Variants in FNDC3B observed in about 807,000 individuals in gnomAD.
FNDC3B encodes fibronectin type III domain-containing protein 3B.
A neutral mutation model predicts 151.5 loss-of-function variants in FNDC3B; 12 were observed. The ratio of observed to expected loss-of-function variants is 0.08; its 90% CI spans 0.05 to 0.13. The LOEUF is 0.13. FNDC3B is among the 10% of genes least tolerant of loss of function. The probability of loss-of-function intolerance (pLI) is 1.00; values close to 1 mark genes in which losing one functional copy is unlikely to be tolerated. For missense variants in FNDC3B, 1,214 were observed against 1,505.3 expected (o/e 0.81, Z 3.20); for synonymous variants, 528 against 549.0 (o/e 0.96, Z 0.54).
intron 2 of FNDC3B, among the ~76,000 whole-genome samples, chr3:172,127,328 A>T (rs1462100018): frequency 6.6e-6 from 1 of 152,208 alleles, no homozygotes; most frequent in Non-Finnish European, 1.5e-5. Flanking sequence ...TCTGTATTGA[A>T]TTGACATGGT....
chr3:172,344,159 C>T lies in FNDC3B; in HGVS notation c.2151C>T (p.Ala717=). The change falls in exon 19 of 26, where the codon GCC becomes GCT. Residue 717 remains alanine (A), a synonymous_variant. Transcript: ENST00000415807. ...AGATGACGGAGCCCGAAGACGTAGC[C>T]TCGGAAGTGTACCATGGCCCAGAGC... The part of the protein sequence containing the change: ...SVEMTEPEDV[A]SEVYHGPELE... The T allele has an allele frequency of 1.2e-6, 2 of 1,614,168 alleles. No individual in the cohort carries two copies. The highest frequency in any genetic ancestry group is 1.3e-5 in the African/African-American group (1 of 75,044).
chr3:172,095,244 A>G (rs758228132), intron 1 of FNDC3B, among the ~76,000 whole-genome samples: 1 of 152,202 alleles, frequency 6.6e-6, no homozygotes, highest in African/African-American at 2.4e-5. Flanking sequence ...CCAAGTTTTG[A>G]TATTTTGAAG....
intron 1 of FNDC3B, among the ~76,000 whole-genome samples, chr3:172,108,397 T>A (rs1244278018): frequency 6.6e-6 from 1 of 152,246 alleles, no homozygotes; most frequent in African/African-American, 2.4e-5. Flanking sequence ...CTTTAGTTCT[T>A]AAAGTTAACT....
chr3:172,175,968 T>C (rs1723573129), intron 3 of FNDC3B, among the ~76,000 whole-genome samples: 1 of 152,240 alleles, frequency 6.6e-6, no homozygotes, highest in African/African-American at 2.4e-5. Context: ...ATTATATGTC[T>C]ACACAGAATA....
intron 9 of FNDC3B, among the ~76,000 whole-genome samples, chr3:172,299,155 G>A (rs1730778248): frequency 6.6e-6 from 1 of 152,140 alleles, no homozygotes; most frequent in South Asian, 2.1e-4. Context: ...TGTTTATTCA[G>A]ACCAAATGAC....
chr3:172,393,585 T>A (rs1736128221), intron 25 of FNDC3B, among the ~76,000 whole-genome samples: 1 of 152,184 alleles, frequency 6.6e-6, no homozygotes, highest in Non-Finnish European at 1.5e-5. Context: ...ATAGATCAAA[T>A]GTTAAGGCAC....
intron 3 of FNDC3B, among the ~76,000 whole-genome samples, chr3:172,185,013 T>G (rs1209559799): frequency 1.3e-5 from 2 of 152,164 alleles, no homozygotes; most frequent in Non-Finnish European, 2.9e-5. Flanking sequence ...GTCACCGTCT[T>G]AAGTGCTGAA....
intron 3 of FNDC3B, among the ~76,000 whole-genome samples, chr3:172,205,171 A>G (rs1287384072): frequency 6.6e-6 from 1 of 152,032 alleles, no homozygotes; most frequent in African/African-American, 2.4e-5. Flanking sequence ...CAGAATTACC[A>G]TCCCCCGCCC....
In FNDC3B at chr3:172,242,759, C is replaced by T. The variant is rs149170279; in HGVS notation, c.265-4774C>T. On this transcript the variant is annotated intron_variant, in intron 4 of 25. Transcript: ENST00000415807. ...TGGAGACATTTTCCCCATTGTCTTGCGGATTAACATTCAGCTCTTTGTTAC... is the reference window on the plus strand; with the variant it reads ...TGGAGACATTTTCCCCATTGTCTTGTGGATTAACATTCAGCTCTTTGTTAC... Among the ~76,000 whole-genome samples, 60 of 152,314 alleles carry T rather than the reference C, an allele frequency of 3.9e-4. 1 individual carries two copies. The highest frequency in any genetic ancestry group is 1.9e-3 in the Admixed American group (29 of 15,300).
chr3:172,191,025 T>C (rs1323088761), intron 3 of FNDC3B, among the ~76,000 whole-genome samples: 1 of 152,234 alleles, frequency 6.6e-6, no homozygotes, highest in Non-Finnish European at 1.5e-5. Context: ...AAATTATCTT[T>C]ATATTTTAAT....
At chr3:172,130,524 CA>C (rs1286209473) in intron 2 of FNDC3B, among the ~76,000 whole-genome samples, 1 of 151,860 alleles carries the variant, frequency 6.6e-6, no homozygotes, top group African/African-American at 2.4e-5. Flanking sequence ...ACTCAGTAAG[CA>C]GGGGGGGAAG....
At chr3:172,231,879 G>GTTT (rs33956893) in intron 4 of FNDC3B, among the ~76,000 whole-genome samples, 2,708 of 104,470 alleles carry the variant, frequency 0.026, 187 homozygotes, top group African/African-American at 0.029. Context: ...TTTATTTACC[G>GTTT]TTTTTTTTTT....
At chr3:172,165,962 G>T (rs1051972248) in intron 3 of FNDC3B, among the ~76,000 whole-genome samples, 1 of 151,952 alleles carries the variant, frequency 6.6e-6, no homozygotes, top group South Asian at 2.1e-4. Flanking sequence ...TTAACAAATG[G>T]TTGCTTTTAT....
chr3:172,115,696 C>T lies in FNDC3B; in HGVS notation c.111+3106C>T, dbSNP rs770520618. On this transcript the variant is annotated intron_variant, in intron 2 of 25. Coordinates refer to ENST00000415807, the MANE Select transcript of FNDC3B (RefSeq NM_022763.4). Reference sequence around the variant, plus strand: ...CAGGCACTGTACAACAGACCCTCGGCGGTGGCATCCTAAGGTATGTGGCAC... The same window carrying T: ...CAGGCACTGTACAACAGACCCTCGGTGGTGGCATCCTAAGGTATGTGGCAC... 1.1e-4 allele frequency among the ~76,000 whole-genome samples: 16 copies of T among 152,208 alleles called. No individual in the cohort carries two copies. In the East Asian group the frequency reaches 1.4e-3, roughly 13 times the overall value.
rs541730242 is a variant in FNDC3B at position 172,061,773 on chromosome 3, C to G, written c.-29+22002C>G. 8.5e-5 allele frequency among the ~76,000 whole-genome samples: 13 copies of G among 152,294 alleles called. 1 individual carries two copies. In the South Asian group the frequency reaches 2.5e-3, roughly 29 times the overall value. Reference sequence around the variant, plus strand: ...ATTGATTTCTTCCCTTAAATTGTCTCAGAAACTGTACCCAGTCCACTAATT... The same window carrying G: ...ATTGATTTCTTCCCTTAAATTGTCTGAGAAACTGTACCCAGTCCACTAATT... On this transcript the variant is annotated intron_variant, in intron 1 of 25. Transcript: ENST00000415807.
Position 172,352,577 on chromosome 3 carries a change from G to A in FNDC3B, c.2515-226G>A, listed in dbSNP as rs796139754. On this transcript the variant is annotated intron_variant, in intron 21 of 25. Coordinates refer to ENST00000415807, the MANE Select transcript of FNDC3B (RefSeq NM_022763.4). The surrounding 1 kb of genome is among the most constrained non-coding windows in gnomAD (Gnocchi z 4.2). ...ATAAAATATTATTTTTAAATTATTTGTCATAAGAAACGATGGTGGCCATAT... is the reference window on the plus strand; with the variant it reads ...ATAAAATATTATTTTTAAATTATTTATCATAAGAAACGATGGTGGCCATAT... Among the ~76,000 whole-genome samples, 3 of 152,280 alleles carry A rather than the reference G, an allele frequency of 2.0e-5. No homozygotes were observed. The highest frequency in any genetic ancestry group is 7.2e-5 in the African/African-American group (3 of 41,528).
At chr3:172,239,471 A>AGAAAAC (rs1306512526) in intron 4 of FNDC3B, among the ~76,000 whole-genome samples, 3 of 152,158 alleles carry the variant, frequency 2.0e-5, no homozygotes, top group African/African-American at 7.2e-5. Context: ...GTGTCCAGGC[A>AGAAAAC]ACTCACCCAG....
At chr3:172,295,546 G>C (rs201895621) in intron 8 of FNDC3B, 32 bp downstream of exon 8, 6 of 1,592,402 alleles carry the variant, frequency 3.8e-6, no homozygotes, top group Non-Finnish European at 4.3e-6. Flanking sequence ...TTTCTTTGCT[G>C]CTAAACTGTA....
intron 25 of FNDC3B, among the ~76,000 whole-genome samples, chr3:172,396,513 T>G (rs1426530127): frequency 1.3e-5 from 2 of 152,146 alleles, no homozygotes; most frequent in Non-Finnish European, 2.9e-5. Flanking sequence ...ATCTTCTGAT[T>G]TATAGTCTAA....
Sources: gnomAD v4.1 joint callset for allele counts (sites outside exome capture counted in the v4.1 genomes callset) on GRCh38, gnomAD v4.1.1 for gene constraint, Gnocchi (gnomAD v3.1) non-coding constraint, MANE v1.5 for transcripts, NCBI Gene and HGNC (gene_info 2026-07-23, HGNC 2026-07-21) for gene names.